SMIM14: variants seen among roughly 807,000 people sequenced by gnomAD.
SMIM14 encodes the protein chromosome 4 open reading frame 34.
In SMIM14, 5 loss-of-function variants were observed where a neutral mutation model predicts 12.6. The ratio of observed to expected loss-of-function variants is 0.40; its 90% confidence interval spans 0.21 to 0.83. SMIM14 has a LOEUF of 0.83. Among genes scored for constraint, SMIM14 ranks in the 40% least tolerant of loss-of-function variants. The pLI is 0.37. For synonymous variants in SMIM14, 30 were observed against 40.1 expected, an observed-to-expected ratio of 0.75 and a Z score of 0.95; for missense variants, 86 against 119.1, an observed-to-expected ratio of 0.72 and a Z score of 1.29.
rs200601523 is a variant in SMIM14, at chr4:39,625,212, C to T, written c.-36+13527G>A. ...CAGTCTGGGCAACAGGGTGAGACAT[C>T]ATCTCAAAAAAAAAAAAAAAAGAAA... On this transcript the variant is annotated intron_variant, in intron 1 of 4. Coordinates refer to ENST00000295958, the MANE Select transcript of SMIM14 (RefSeq NM_174921.3). Among the ~76,000 whole-genome samples the T allele has an allele frequency of 2.6e-4, 31 of 119,702 alleles. 1 individual carries two copies. The East Asian group carries it at 7.3e-3, about 28-fold the overall frequency. 78.5% of individuals were successfully genotyped at this position (119,702 alleles called of 152,430 possible).
At chr4:39,565,159 A>C (rs1712509810) in intron 3 of SMIM14, among the ~76,000 whole-genome samples, 1 of 152,244 alleles carries the variant, frequency 6.6e-6, no homozygotes, top group African/African-American at 2.4e-5. Context: ...TTGAGGTTGC[A>C]GCAAGCCATG....
At chr4:39,604,480 T>C (rs1246341960) in intron 2 of SMIM14, among the ~76,000 whole-genome samples, 3 of 151,996 alleles carry the variant, frequency 2.0e-5, no homozygotes, top group Non-Finnish European at 2.9e-5. Context: ...GAGGCTGTAG[T>C]GAGCCGAGAT....
intron 3 of SMIM14, among the ~76,000 whole-genome samples, chr4:39,569,136 T>G (rs546782063): frequency 6.6e-6 from 1 of 152,336 alleles, no homozygotes; most frequent in South Asian, 2.1e-4. Context: ...CATTGTAGAT[T>G]AATGAATGCT....
At chr4:39,567,603 G>A (rs1206123010) in intron 3 of SMIM14, among the ~76,000 whole-genome samples, 1 of 152,024 alleles carries the variant, frequency 6.6e-6, no homozygotes, top group African/African-American at 2.4e-5. Context: ...CGGGTGTGGT[G>A]GCAGGCGCCT....
intron 1 of SMIM14, among the ~76,000 whole-genome samples, chr4:39,619,863 T>TATATATAA (rs1553866654): frequency 1.4e-4 from 10 of 71,810 alleles, no homozygotes; most frequent in African/African-American, 5.8e-4. Flanking sequence ...TATATATTTA[T>TATATATAA]ATATATATAT....
chr4:39,627,893 T>A (rs1012158086), intron 1 of SMIM14, among the ~76,000 whole-genome samples: 4 of 152,234 alleles, frequency 2.6e-5, no homozygotes, highest in African/African-American at 9.6e-5. Context: ...AATTAAATCA[T>A]CTTTGTTTGT....
chr4:39,561,960 T>C (rs1712332955), intron 3 of SMIM14, among the ~76,000 whole-genome samples: 1 of 151,252 alleles, frequency 6.6e-6, no homozygotes, highest in South Asian at 2.1e-4. Context: ...AATAGTAATG[T>C]CCACTTCTTT....
At chr4:39,575,280 C>T (rs1025440195) in intron 2 of SMIM14, among the ~76,000 whole-genome samples, 3 of 151,780 alleles carry the variant, frequency 2.0e-5, no homozygotes, top group South Asian at 2.1e-4. Flanking sequence ...TGAGCTCAAG[C>T]GATCTGCCAG....
At chr4:39,600,092 T>C (rs1387172979) in intron 2 of SMIM14, among the ~76,000 whole-genome samples, 1 of 152,150 alleles carries the variant, frequency 6.6e-6, no homozygotes, top group African/African-American at 2.4e-5. Context: ...GTGTCAACAT[T>C]TGGATATACA....
chr4:39,559,270 T>A (rs1008420275), intron 3 of SMIM14, among the ~76,000 whole-genome samples: 1 of 151,690 alleles, frequency 6.6e-6, no homozygotes. Context: ...GAGCCTGTAG[T>A]CCCAGCTACC....
intron 1 of SMIM14, among the ~76,000 whole-genome samples, chr4:39,630,652 T>C (rs1168056322): frequency 6.6e-6 from 1 of 151,904 alleles, no homozygotes; most frequent in Non-Finnish European, 1.5e-5. Context: ...ACCTGAGGCC[T>C]GGAGCTCAAG....
At chr4:39,632,434 C>T (rs1488555940) in intron 1 of SMIM14, among the ~76,000 whole-genome samples, 2 of 140,900 alleles carry the variant, frequency 1.4e-5, no homozygotes, top group African/African-American at 2.7e-5. Context: ...GAGCAGAGAT[C>T]GGGCCACTGC....
chr4:39,556,992 G>A (rs191663275), intron 3 of SMIM14, among the ~76,000 whole-genome samples: 2 of 150,722 alleles, frequency 1.3e-5, no homozygotes, highest in East Asian at 3.9e-4. Flanking sequence ...GAGACACTAT[G>A]TTGCCTGGGC....
intron 1 of SMIM14, among the ~76,000 whole-genome samples, chr4:39,624,020 C>T (rs560903807): frequency 2.6e-5 from 4 of 152,080 alleles, no homozygotes; most frequent in Admixed American, 6.6e-5. Context: ...AACAGAGATA[C>T]TGGTCAATGA....
chr4:39,601,947 T>TAAAA (rs976663747), intron 2 of SMIM14, among the ~76,000 whole-genome samples: 1 of 140,430 alleles, frequency 7.1e-6, no homozygotes. Context: ...GACCCTATCT[T>TAAAA]AAAAAAAAAA....
At chr4:39,590,530 G>C (rs979741172) in intron 2 of SMIM14, among the ~76,000 whole-genome samples, 1 of 152,108 alleles carries the variant, frequency 6.6e-6, no homozygotes, top group African/African-American at 2.4e-5. Flanking sequence ...GGCTGGGCGT[G>C]GTGGCTCACG....
chr4:39,567,193 A>T (rs1305464525), intron 3 of SMIM14, among the ~76,000 whole-genome samples: 1 of 151,376 alleles, frequency 6.6e-6, no homozygotes, highest in Non-Finnish European at 1.5e-5. Context: ...TGACAATAGG[A>T]AAAAAATGTG....
At chr4:39,557,157 A>G (rs1443982816) in intron 3 of SMIM14, among the ~76,000 whole-genome samples, 6 of 151,770 alleles carry the variant, frequency 4.0e-5, no homozygotes, top group Non-Finnish European at 7.4e-5. Flanking sequence ...GATTACAGGC[A>G]TGCGCCACCA....
At chr4:39,555,814 T>C (rs1254581800) in intron 4 of SMIM14, among the ~76,000 whole-genome samples, 1 of 152,146 alleles carries the variant, frequency 6.6e-6, no homozygotes, top group Non-Finnish European at 1.5e-5. Flanking sequence ...ACATTTCAAC[T>C]AAAGCTACTA....
Sources: allele counts gnomAD v4.1 joint callset (sites outside exome capture counted in the v4.1 genomes callset), GRCh38; gene constraint gnomAD v4.1.1; transcripts MANE v1.5; gene names NCBI Gene and HGNC (gene_info 2026-07-23, HGNC 2026-07-21).